FAM135B: variants seen among roughly 807,000 people sequenced by gnomAD.
The protein encoded by FAM135B is protein FAM135B.
A neutral mutation model predicts 127.7 loss-of-function variants in FAM135B; 43 were observed. The ratio of observed to expected loss-of-function variants is 0.34; its 90% confidence interval spans 0.26 to 0.43. The LOEUF (loss-of-function observed/expected upper bound fraction) is 0.43, where lower values mean the gene tolerates loss of function less well. FAM135B is among the 20% of genes least tolerant of loss of function. The pLI, the probability that FAM135B is intolerant of heterozygous loss-of-function variation, is 1.00. For missense variants in FAM135B, 1,558 were observed against 1,725.6 expected (o/e 0.90, Z 1.72); for synonymous variants, 670 against 665.1 (o/e 1.01, Z -0.11).
chr8:138,139,139 A>T, intron 17 of FAM135B, 43 bp from the exon 18 acceptor site: 1 of 1,258,520 alleles, frequency 7.9e-7, no homozygotes, highest in Non-Finnish European at 1.2e-6. Context: ...ACACAAAACA[A>T]AACAAAAACT....
intron 5 of FAM135B, among the ~76,000 whole-genome samples, chr8:138,253,229 C>T (rs1397768674): frequency 6.6e-6 from 1 of 152,186 alleles, no homozygotes; most frequent in Non-Finnish European, 1.5e-5. Context: ...AGAAGAATTT[C>T]CCGATCAGCA....
At chr8:138,391,530 T>C (rs569765270) in intron 1 of FAM135B, among the ~76,000 whole-genome samples, 18 of 152,050 alleles carry the variant, frequency 1.2e-4, no homozygotes, top group Non-Finnish European at 2.5e-4. Flanking sequence ...ACCTAAGCTC[T>C]TCAACCTGCA....
intron 2 of FAM135B, among the ~76,000 whole-genome samples, chr8:138,337,598 G>C (rs1412428281): frequency 6.6e-6 from 1 of 152,128 alleles, no homozygotes; most frequent in Non-Finnish European, 1.5e-5. Flanking sequence ...ACTGCTCAAT[G>C]AAATAAAAGA....
At position 138,132,773 on chromosome 8, in the gene FAM135B, G is replaced by T. The variant is rs1167814007; in HGVS notation, c.4041C>A (p.Asn1347Lys). Reference protein sequence around the residue: ...HTGPVYAEMINNLLGPLVEAK... With the variant: ...HTGPVYAEMIKNLLGPLVEAK... ...CTTCAACCAGAGGGCCCAGGAGGTT[G>T]TTGATCATTTCTGCATAAACTGGCC... Residue 1347 changes from asparagine to lysine, a missense_variant, in exon 20 of 20, where the codon AAC becomes AAA. Physicochemically the swap from Asn to Lys is moderately conservative, Grantham distance 94. Around this residue, in one of 5 missense-constraint regions of FAM135B, gnomAD observed 194 missense variants for 333.8 expected, o/e 0.58. Transcript: ENST00000395297. The surrounding 1 kb of genome is among the most constrained non-coding windows in gnomAD (Gnocchi z 4.5). The T allele has an allele frequency of 2.5e-6, 4 of 1,614,144 alleles. No homozygotes were observed. The highest frequency in any genetic ancestry group is 2.5e-6 in the Non-Finnish European group (3 of 1,179,994).
At chr8:138,222,842 G>A (rs1434605886) in intron 7 of FAM135B, among the ~76,000 whole-genome samples, 2 of 152,128 alleles carry the variant, frequency 1.3e-5, no homozygotes, top group Non-Finnish European at 2.9e-5. Context: ...TTCTCAAGAA[G>A]GACAACTGTG....
At chr8:138,189,931 A>G (rs1815957625) in intron 9 of FAM135B, among the ~76,000 whole-genome samples, 1 of 152,176 alleles carries the variant, frequency 6.6e-6, no homozygotes, top group Admixed American at 6.5e-5. Flanking sequence ...ACCTGCTGGC[A>G]CAACATCTTT....
chr8:138,293,072 A>C (rs1162033852), intron 3 of FAM135B, among the ~76,000 whole-genome samples: 1 of 152,202 alleles, frequency 6.6e-6, no homozygotes, highest in Non-Finnish European at 1.5e-5. Flanking sequence ...AGTGGAAAAG[A>C]ATAGAGAACT....
At chr8:138,146,694 C>G (rs913174310) in intron 14 of FAM135B, among the ~76,000 whole-genome samples, 4 of 151,038 alleles carry the variant, frequency 2.6e-5, no homozygotes, top group African/African-American at 9.7e-5. Context: ...AAATAAAAGT[C>G]ATGTGAAAAA....
intron 2 of FAM135B, among the ~76,000 whole-genome samples, chr8:138,355,574 C>A (rs1403944805): frequency 6.6e-6 from 1 of 152,128 alleles, no homozygotes; most frequent in Admixed American, 6.6e-5. Flanking sequence ...AATGTGAGTG[C>A]AGTTGGTTAA....
At chr8:138,264,910 T>C (rs576892345) in intron 4 of FAM135B, among the ~76,000 whole-genome samples, 2 of 152,198 alleles carry the variant, frequency 1.3e-5, no homozygotes, top group African/African-American at 2.4e-5. Context: ...CTCTTTCATA[T>C]AATTCTCGAT....
rs1250180949 is a variant in FAM135B at position 138,141,897 on chromosome 8, A to T, written c.3639-548T>A. On this transcript the variant is annotated intron_variant, in intron 16 of 19. Coordinates refer to ENST00000395297, the MANE Select transcript of FAM135B (RefSeq NM_015912.4). This position sits in a 1 kb window ranked among gnomAD's most constrained non-coding sequence, Gnocchi z 4.7. Reference sequence around the variant, plus strand: ...AGGCCCACGTGTTCAATGAATCATTATTCTCAAGTTAAATACTTATTTATT... The same window carrying T: ...AGGCCCACGTGTTCAATGAATCATTTTTCTCAAGTTAAATACTTATTTATT... Among the ~76,000 whole-genome samples the T allele has an allele frequency of 6.6e-6, 1 of 152,184 alleles. No homozygotes were observed. The highest frequency in any genetic ancestry group is 2.4e-5 in the African/African-American group (1 of 41,452).
At chr8:138,178,832 A>T (rs1034042440) in intron 9 of FAM135B, 142 bp from the exon 10 acceptor site, 2 of 654,968 alleles carry the variant, frequency 3.1e-6, no homozygotes, top group Non-Finnish European at 5.2e-6. Flanking sequence ...TATATATTAC[A>T]ACTCATAGTA....
At chr8:138,405,478 C>A (rs1419104799) in intron 1 of FAM135B, among the ~76,000 whole-genome samples, 1 of 150,766 alleles carries the variant, frequency 6.6e-6, no homozygotes, top group Admixed American at 6.7e-5. Flanking sequence ...GTTTTCTGTC[C>A]TTCCGATAGT....
At chr8:138,219,639 G>A (rs1392484455) in intron 7 of FAM135B, among the ~76,000 whole-genome samples, 2 of 152,108 alleles carry the variant, frequency 1.3e-5, no homozygotes, top group Non-Finnish European at 2.9e-5. Flanking sequence ...GAAAACCAGG[G>A]TCATCCTTGT....
chr8:138,229,949 T>G (rs1024018698), intron 7 of FAM135B, among the ~76,000 whole-genome samples: 1 of 152,156 alleles, frequency 6.6e-6, no homozygotes, highest in Non-Finnish European at 1.5e-5. Flanking sequence ...CTTGACACTT[T>G]GGGATTATTA....
At position 138,151,403 on chromosome 8, in the gene FAM135B, G is replaced by T. The variant is rs746014143; in HGVS notation, c.3072C>A (p.Ser1024Arg). 2.5e-6 allele frequency: 4 copies of T among 1,613,930 alleles called. No homozygotes were observed. The highest frequency in any genetic ancestry group is 3.4e-6 in the Non-Finnish European group (4 of 1,179,958). ...LTSAETFTLD[S>R]LKAVEVVNLS... ...AGTTCACAACCTCCACAGCCTTCAG[G>T]CTGTCCAGAGTAAAGGTCTCTGCAG... is the stretch of plus-strand genomic sequence containing the variant. The change falls in exon 13 of 20, where the codon AGC (serine) becomes AGA (arginine). Residue 1024 changes from serine to arginine, a missense_variant. Ser to Arg is a moderately radical substitution (Grantham distance 110). Transcript: ENST00000395297.
intron 13 of FAM135B, among the ~76,000 whole-genome samples, chr8:138,149,288 C>T (rs1817927118): frequency 6.6e-6 from 1 of 152,138 alleles, no homozygotes; most frequent in African/African-American, 2.4e-5. Flanking sequence ...AAGATTCTAC[C>T]CAGCTCCAAG....
At chr8:138,287,597 C>T (rs1359146147) in intron 3 of FAM135B, among the ~76,000 whole-genome samples, 1 of 152,010 alleles carries the variant, frequency 6.6e-6, no homozygotes, top group Non-Finnish European at 1.5e-5. Flanking sequence ...TGGAAAAGTC[C>T]CCAAACAGTG....
chr8:138,224,135 T>C (rs1444183641), intron 7 of FAM135B, among the ~76,000 whole-genome samples: 4 of 152,120 alleles, frequency 2.6e-5, no homozygotes, highest in Non-Finnish European at 5.9e-5. Flanking sequence ...TATCATGCAA[T>C]ATACCCAGGT....
Sources: gnomAD v4.1 joint callset for allele counts (sites outside exome capture counted in the v4.1 genomes callset) on GRCh38, gnomAD v4.1.1 for gene constraint, gnomAD v4.1.1 regional missense constraint, Gnocchi (gnomAD v3.1) non-coding constraint, MANE v1.5 for transcripts, NCBI Gene and HGNC (gene_info 2026-07-23, HGNC 2026-07-21) for gene names.